The following TCP11L2 variants were observed in gnomAD, a reference collection of about 807,000 sequenced individuals.
TCP11L2 encodes t-complex 11 like 2.
Under a neutral mutation model 50.7 loss-of-function variants are expected in TCP11L2, and 39 were observed. The observed-to-expected ratio is 0.77, with a 90% CI of 0.60 to 1.01. TCP11L2 has a LOEUF of 1.01. TCP11L2 is among the 50% of genes least tolerant of loss of function. TCP11L2 has a pLI of 0.00. For synonymous variants in TCP11L2, 192 were observed against 219.3 expected (o/e 0.88, Z 1.10); for missense variants, 612 against 614.7 (o/e 1.00, Z 0.05).
chr12:106,318,576 AC>A (rs1427882378), intron 4 of TCP11L2, 112 bp downstream of exon 4: 4 of 1,356,792 alleles, frequency 2.9e-6, no homozygotes, highest in Non-Finnish European at 3.9e-6. Context: ...TTCTCACAGT[AC>A]TGGAGGCTGG....
At chr12:106,316,214 G>A (rs778221524) in intron 3 of TCP11L2, among the ~76,000 whole-genome samples, 1 of 151,432 alleles carries the variant, frequency 6.6e-6, no homozygotes, top group African/African-American at 2.4e-5. Flanking sequence ...ACTGGTTGCC[G>A]TGTCTCCTTT....
chr12:106,333,060 A>T (rs148471705), intron 6 of TCP11L2, among the ~76,000 whole-genome samples: 2 of 152,328 alleles, frequency 1.3e-5, no homozygotes, highest in East Asian at 3.9e-4. Flanking sequence ...CCTGATGGTT[A>T]CAGGGATCCA....
At chr12:106,312,309 T>C (rs1212655521) in intron 2 of TCP11L2, 1 of 574,226 alleles carries the variant, frequency 1.7e-6, no homozygotes, top group Non-Finnish European at 2.9e-6. Context: ...ATGAACATCT[T>C]ACTGCATGAA....
chr12:106,312,401 A>G, intron 2 of TCP11L2: 1 of 1,232,504 alleles, frequency 8.1e-7, no homozygotes, highest in Non-Finnish European at 1.0e-6. Flanking sequence ...CTTGAGTCAG[A>G]CCTGGCAAAA....
chr12:106,340,745 C>A, intron 8 of TCP11L2, 81 bp from the exon 9 acceptor site: 5 of 1,256,296 alleles, frequency 4.0e-6, no homozygotes, highest in Non-Finnish European at 5.4e-6. Flanking sequence ...TGGTAGACAT[C>A]TAAAACAAGT....
chr12:106,314,751 T>A (rs1286939771), intron 3 of TCP11L2, among the ~76,000 whole-genome samples: 4 of 151,966 alleles, frequency 2.6e-5, no homozygotes, highest in Non-Finnish European at 5.9e-5. Context: ...TGTAACCCCA[T>A]CACTTTGGGA....
intron 4 of TCP11L2, among the ~76,000 whole-genome samples, chr12:106,320,186 G>A (rs1461588126): frequency 6.6e-6 from 1 of 152,166 alleles, no homozygotes; most frequent in Non-Finnish European, 1.5e-5. Context: ...GGATCACAAG[G>A]TCGGGGGATA....
intron 1 of TCP11L2, among the ~76,000 whole-genome samples, chr12:106,309,278 A>G (rs2034756284): frequency 6.6e-6 from 1 of 152,154 alleles, no homozygotes. Flanking sequence ...TTTAGTCTTC[A>G]TGAGTTAGAG....
chr12:106,320,367 C>G (rs192217790), intron 4 of TCP11L2, among the ~76,000 whole-genome samples: 1 of 151,682 alleles, frequency 6.6e-6, no homozygotes, highest in East Asian at 1.9e-4. Context: ...CACTGCACTC[C>G]GGCCTGGTGA....
At chr12:106,332,375 G>A (rs551237327) in intron 6 of TCP11L2, among the ~76,000 whole-genome samples, 4 of 152,222 alleles carry the variant, frequency 2.6e-5, no homozygotes, top group African/African-American at 9.6e-5. Context: ...AGCCTTATTT[G>A]TATAACCCCA....
intron 6 of TCP11L2, chr12:106,329,731 T>C (rs2136763383): frequency 9.5e-7 from 1 of 1,050,512 alleles, no homozygotes; most frequent in Non-Finnish European, 1.1e-6. Flanking sequence ...ATGATTAAAC[T>C]TGCAGTATAA....
intron 4 of TCP11L2, among the ~76,000 whole-genome samples, chr12:106,319,559 C>A (rs2136689902): frequency 6.6e-6 from 1 of 152,288 alleles, no homozygotes; most frequent in African/African-American, 2.4e-5. Context: ...GTGACGGGTT[C>A]TCTCTTTAAG....
intron 9 of TCP11L2, among the ~76,000 whole-genome samples, chr12:106,343,766 T>C (rs1293182594): frequency 6.6e-6 from 1 of 151,720 alleles, no homozygotes; most frequent in Non-Finnish European, 1.5e-5. Flanking sequence ...GAAGAATACT[T>C]CTGCCCCAGC....
intron 5 of TCP11L2, among the ~76,000 whole-genome samples, chr12:106,322,846 G>T (rs1271556935): frequency 6.6e-6 from 1 of 152,194 alleles, no homozygotes; most frequent in African/African-American, 2.4e-5. Context: ...TGATTCCTCA[G>T]TTATAGGATC....
chr12:106,333,111 G>T (rs1386782125), intron 6 of TCP11L2, among the ~76,000 whole-genome samples: 1 of 152,084 alleles, frequency 6.6e-6, no homozygotes, highest in South Asian at 2.1e-4. Context: ...ACACACAAAG[G>T]ATGCATGCAA....
Position 106,329,630 on chromosome 12 carries a change from T to A in TCP11L2, c.772+5984T>A. 10 of 1,303,346 alleles carry A rather than the reference T, an allele frequency of 7.7e-6. No homozygotes were observed. In the South Asian group the frequency reaches 1.9e-4, roughly 25 times the overall value. The allele number at this position is 1,303,346 out of a possible 1,614,324, so 80.7% of individuals were successfully genotyped here. A position where few individuals can be genotyped will look rare whatever the true frequency, so the allele number is the denominator to read the frequency against. The stretch of plus-strand genomic sequence containing the variant: ...TTCCTTTTTAAAGCTCCCCAGGTGA[T>A]TCTAAAGTCAGCCAGGATTGAGAAC... On this transcript the variant is annotated intron_variant, in intron 6 of 9. Coordinates refer to ENST00000299045, the MANE Select transcript of TCP11L2 (RefSeq NM_152772.3).
intron 6 of TCP11L2, 69 bp downstream of exon 6, chr12:106,323,715 AAATT>A: frequency 5.3e-6 from 1 of 187,476 alleles, no homozygotes; most frequent in Non-Finnish European, 9.3e-6. Flanking sequence ...GTTAAAATTT[AAATT>A]AAATTAAATT....
At chr12:106,345,487 A>G (rs752803947) in intron 9 of TCP11L2, among the ~76,000 whole-genome samples, 9 of 152,222 alleles carry the variant, frequency 5.9e-5, no homozygotes, top group Non-Finnish European at 8.8e-5. Flanking sequence ...ATGGATTTCT[A>G]TGTGAAATCT....
At chr12:106,304,808 A>C (rs2034563119) in intron 1 of TCP11L2, among the ~76,000 whole-genome samples, 1 of 152,164 alleles carries the variant, frequency 6.6e-6, no homozygotes, top group Non-Finnish European at 1.5e-5. Context: ...TTTTGCTAAT[A>C]CGTGGGGTCT....
Sources: gnomAD v4.1 joint callset for allele counts (sites outside exome capture counted in the v4.1 genomes callset) on GRCh38, gnomAD v4.1.1 for gene constraint, MANE v1.5 for transcripts, NCBI Gene and HGNC (gene_info 2026-07-23, HGNC 2026-07-21) for gene names.